CAMK1D: variants seen among roughly 807,000 people sequenced by gnomAD.
CAMK1D encodes the protein calcium/calmodulin-dependent protein kinase type 1D.
Under a neutral mutation model 47.7 loss-of-function variants are expected in CAMK1D, and 9 were observed. The ratio of observed to expected loss-of-function variants is 0.19; its 90% CI spans 0.11 to 0.33. CAMK1D has a LOEUF of 0.33. CAMK1D is among the 10% of genes least tolerant of loss of function. The probability of loss-of-function intolerance (pLI) is 1.00; values close to 1 mark genes in which losing one functional copy is unlikely to be tolerated. For missense variants in CAMK1D, 291 were observed against 488.7 expected, an observed-to-expected ratio of 0.60 and a Z score of 3.81; for synonymous variants, 184 against 184.9, an observed-to-expected ratio of 0.99 and a Z score of 0.04.
intron 3 of CAMK1D, among the ~76,000 whole-genome samples, chr10:12,702,407 G>A (rs1833558137): frequency 6.6e-6 from 1 of 152,178 alleles, no homozygotes; most frequent in Non-Finnish European, 1.5e-5. Flanking sequence ...ACAGGGTGTG[G>A]GATCTGTTTC....
At chr10:12,582,796 A>G (rs775879331) in intron 2 of CAMK1D, among the ~76,000 whole-genome samples, 9 of 152,230 alleles carry the variant, frequency 5.9e-5, no homozygotes, top group Non-Finnish European at 8.8e-5. Flanking sequence ...AATTAGAACA[A>G]TAATCCATCT....
intron 6 of CAMK1D, among the ~76,000 whole-genome samples, chr10:12,801,350 T>TATC (rs1838450506): frequency 9.4e-6 from 1 of 106,160 alleles, no homozygotes; most frequent in South Asian, 3.2e-4. Flanking sequence ...TCTATCTATC[T>TATC]ATCTTATCTA....
At chr10:12,572,778 T>C (rs1319586747) in intron 2 of CAMK1D, among the ~76,000 whole-genome samples, 1 of 152,178 alleles carries the variant, frequency 6.6e-6, no homozygotes, top group Non-Finnish European at 1.5e-5. Flanking sequence ...ACTACAGGCA[T>C]GCCACCATGC....
intron 3 of CAMK1D, among the ~76,000 whole-genome samples, chr10:12,743,062 G>T (rs1185909257): frequency 6.6e-6 from 1 of 152,178 alleles, no homozygotes; most frequent in Non-Finnish European, 1.5e-5. Flanking sequence ...CCAAGACAAG[G>T]CTGGGTGCCG....
intron 2 of CAMK1D, among the ~76,000 whole-genome samples, chr10:12,567,822 G>T (rs893985921): frequency 1.3e-5 from 2 of 152,012 alleles, no homozygotes; most frequent in South Asian, 2.1e-4. Flanking sequence ...CCTAAAGCAC[G>T]GCAGAGTGCA....
intron 1 of CAMK1D, among the ~76,000 whole-genome samples, chr10:12,524,580 A>G (rs11257860): frequency 0.51 from 77,499 of 151,656 alleles, 20,005 homozygotes; most frequent in South Asian, 0.62. Flanking sequence ...GATGGCGGGT[A>G]CCTGTGGTCC....
chr10:12,383,920 C>T (rs1038234433), intron 1 of CAMK1D, among the ~76,000 whole-genome samples: 1 of 152,150 alleles, frequency 6.6e-6, no homozygotes, highest in Non-Finnish European at 1.5e-5. Flanking sequence ...AAAACGATCT[C>T]TATTTGCAGA....
intron 2 of CAMK1D, among the ~76,000 whole-genome samples, chr10:12,626,805 A>T (rs1353128077): frequency 6.6e-6 from 1 of 151,998 alleles, no homozygotes; most frequent in East Asian, 1.9e-4. Context: ...ATTTATTTCT[A>T]CTACTATTTC....
rs140938430 is a variant in CAMK1D, at chr10:12,744,764, G to C, written c.300-16184G>C. ...TTAAAAAAAAAAAAAAGCCAGACGT[G>C]GTGGCTCATGCCTGTAATCCCAGCT... is the stretch of plus-strand genomic sequence containing the variant. On this transcript the variant is annotated intron_variant, in intron 3 of 10. Coordinates refer to ENST00000619168, the MANE Select transcript of CAMK1D (RefSeq NM_153498.4). Among the ~76,000 whole-genome samples, 255 of 151,768 alleles carry C rather than the reference G, an allele frequency of 1.7e-3. 3 individuals are homozygous for C. Among genetic ancestry groups the C allele is most frequent in the Non-Finnish European group, 3.2e-3 (214 of 67,896 alleles).
At chr10:12,502,101 A>T (rs1834722414) in intron 1 of CAMK1D, among the ~76,000 whole-genome samples, 1 of 152,120 alleles carries the variant, frequency 6.6e-6, no homozygotes, top group African/African-American at 2.4e-5. Context: ...ACGAGTGTGG[A>T]GCTGGTGGCA....
At chr10:12,527,594 T>G (rs1321613766) in intron 1 of CAMK1D, among the ~76,000 whole-genome samples, 1 of 152,142 alleles carries the variant, frequency 6.6e-6, no homozygotes, top group Non-Finnish European at 1.5e-5. Flanking sequence ...TGTTGAGGTC[T>G]CCAACTCCTG....
intron 6 of CAMK1D, among the ~76,000 whole-genome samples, chr10:12,806,626 T>C (rs1385387739): frequency 6.6e-6 from 1 of 152,206 alleles, no homozygotes; most frequent in African/African-American, 2.4e-5. Flanking sequence ...TCTTTCAAAG[T>C]GTCCTTCTCC....
intron 1 of CAMK1D, among the ~76,000 whole-genome samples, chr10:12,429,715 C>G (rs1013156653): frequency 1.1e-4 from 16 of 152,152 alleles, no homozygotes; most frequent in Non-Finnish European, 2.1e-4. Flanking sequence ...CAGCCCTTAG[C>G]ACATGGGCTG....
intron 2 of CAMK1D, among the ~76,000 whole-genome samples, chr10:12,644,537 T>G (rs1839762997): frequency 6.6e-6 from 1 of 152,192 alleles, no homozygotes; most frequent in South Asian, 2.1e-4. Flanking sequence ...TTTCTCTCCC[T>G]GGTCACTGCA....
At chr10:12,608,205 G>A (rs1172803120) in intron 2 of CAMK1D, among the ~76,000 whole-genome samples, 5 of 152,184 alleles carry the variant, frequency 3.3e-5, no homozygotes, top group African/African-American at 1.2e-4. Flanking sequence ...GATCACTTGA[G>A]GTCATGAGTT....
At chr10:12,381,836 C>T (rs898507208) in intron 1 of CAMK1D, among the ~76,000 whole-genome samples, 3 of 151,986 alleles carry the variant, frequency 2.0e-5, no homozygotes, top group Non-Finnish European at 2.9e-5. Context: ...ATGATGAGTT[C>T]GACTGTGCTG....
At chr10:12,722,399 T>C (rs909275681) in intron 3 of CAMK1D, among the ~76,000 whole-genome samples, 1 of 132,344 alleles carries the variant, frequency 7.6e-6, no homozygotes, top group African/African-American at 3.0e-5. Flanking sequence ...TGAGCCAAGA[T>C]TGTGCCACTG....
At chr10:12,777,693 A>G (rs1256368536) in intron 5 of CAMK1D, among the ~76,000 whole-genome samples, 2 of 152,056 alleles carry the variant, frequency 1.3e-5, no homozygotes, top group Admixed American at 6.5e-5. Flanking sequence ...CTATTAATTA[A>G]GTGTGGTGGC....
In CAMK1D at chr10:12,349,757, C is replaced by T; in HGVS notation, c.-62C>T. ...CCCCGCCGCCTCTGCGCCCGCGCCG[C>T]GCCCCCGGCGCCCCCTCCCCAGCGC... On this transcript the variant is annotated 5_prime_UTR_variant, in exon 1 of 11. Coordinates refer to ENST00000619168, the MANE Select transcript of CAMK1D (RefSeq NM_153498.4). 7.3e-6 allele frequency: 5 copies of T among 687,472 alleles called. No individual in the cohort carries two copies. Among genetic ancestry groups the T allele is most frequent in the Non-Finnish European group, 7.4e-6 (4 of 537,290 alleles). 42.6% of individuals were successfully genotyped at this position (687,472 alleles called of 1,614,324 possible).
Sources: gnomAD v4.1 joint callset for allele counts (sites outside exome capture counted in the v4.1 genomes callset) on GRCh38, gnomAD v4.1.1 for gene constraint, MANE v1.5 for transcripts, NCBI Gene and HGNC (gene_info 2026-07-23, HGNC 2026-07-21) for gene names.